The following URB1 variants were observed in gnomAD, a reference collection of about 807,000 sequenced individuals.
URB1 encodes the protein nucleolar pre-ribosomal-associated protein 1.
URB1 carries 197 observed loss-of-function variants against 242.3 expected under a neutral mutation model. The ratio of observed to expected loss-of-function variants is 0.81; its 90% CI spans 0.72 to 0.91. The LOEUF is 0.91. Ranked by LOEUF, URB1 falls within the 40% of genes least tolerant of loss-of-function variation. The pLI is 0.00. For synonymous variants in URB1, 1,153 were observed against 1,201.8 expected, an observed-to-expected ratio of 0.96 and a Z score of 0.84; for missense variants, 2,721 against 2,860.5, an observed-to-expected ratio of 0.95 and a Z score of 1.11.
intron 37 of URB1, 91 bp downstream of exon 37, chr21:32,317,585 T>C (rs752808274): frequency 4.0e-6 from 6 of 1,484,562 alleles, no homozygotes; most frequent in Non-Finnish European, 4.5e-6. Context: ...GCTTTGGAAA[T>C]GTGGCTGAGA....
chr21:32,353,357 T>C (rs2033180805), intron 18 of URB1, among the ~76,000 whole-genome samples: 1 of 152,274 alleles, frequency 6.6e-6, no homozygotes, highest in Admixed American at 6.5e-5. Context: ...TAAATTGAGA[T>C]GGCATAGCTA....
At chr21:32,357,077 G>C (rs2033229025) in intron 15 of URB1, among the ~76,000 whole-genome samples, 1 of 152,204 alleles carries the variant, frequency 6.6e-6, no homozygotes, top group Admixed American at 6.5e-5. Flanking sequence ...GCTATCATAA[G>C]ACCTGACATA....
At chr21:32,326,999 T>G (rs1275361825) in intron 30 of URB1, among the ~76,000 whole-genome samples, 1 of 151,594 alleles carries the variant, frequency 6.6e-6, no homozygotes, top group Non-Finnish European at 1.5e-5. Flanking sequence ...GTCCTGTGGG[T>G]ATGTGTAATA....
intron 2 of URB1, 122 bp downstream of exon 2, chr21:32,385,423 G>A: frequency 7.2e-7 from 1 of 1,385,986 alleles, no homozygotes; most frequent in Non-Finnish European, 9.6e-7. Flanking sequence ...ACAGCACAGG[G>A]ACAAAGCATC....
chr21:32,356,435 T>C (rs2033221595), intron 15 of URB1, among the ~76,000 whole-genome samples: 1 of 152,284 alleles, frequency 6.6e-6, no homozygotes, highest in Admixed American at 6.5e-5. Context: ...TCAAGGCTAC[T>C]CATCGTTTAT....
intron 20 of URB1, 132 bp from the exon 21 acceptor site, chr21:32,349,615 T>C: frequency 1.2e-6 from 1 of 828,434 alleles, no homozygotes; most frequent in Non-Finnish European, 1.8e-6. Context: ...CCTCACAGAG[T>C]GTGTGAGACA....
intron 5 of URB1, among the ~76,000 whole-genome samples, chr21:32,377,778 C>T (rs762876811): frequency 6.6e-6 from 1 of 152,164 alleles, no homozygotes; most frequent in Non-Finnish European, 1.5e-5. Context: ...CCCTGCTACT[C>T]CTCCTCAATA....
rs376481798 is a variant in URB1 at position 32,354,046 on chromosome 21, A to G, written c.2303T>C (p.Ile768Thr). The change falls in exon 18 of 39, where the codon ATA becomes ACA. Residue 768 changes from isoleucine to threonine, a missense_variant. Physicochemically the swap from Ile to Thr is moderately conservative, Grantham distance 89. Transcript: ENST00000382751. ...VEGSEGLDEE[I>T]GFTLSEDMIL... ...CATGTCTTCACTCAACGTGAACCCT[A>G]TTTCCTCATCCAAGCCTTCACTGCC... The G allele has an allele frequency of 5.8e-6, 9 of 1,551,472 alleles. No homozygotes were observed. The Admixed American group carries it at 1.8e-4, about 30-fold the overall frequency.
intron 30 of URB1, among the ~76,000 whole-genome samples, chr21:32,332,312 G>A (rs955872689): frequency 1.3e-5 from 2 of 151,536 alleles, no homozygotes; most frequent in Non-Finnish European, 2.9e-5. Flanking sequence ...CTGACCAAAT[G>A]GGCTTCATCA....
At position 32,337,089 on chromosome 21, in the gene URB1, C is replaced by A; in HGVS notation, c.4685+5G>T. ...GGCCTAGTCTACCTCTAGCCCAACA[C>A]TCACCTGAAGTTGATGAGGCTGAGC... On this transcript the variant is annotated splice_donor_5th_base_variant and intron_variant, in intron 28 of 38. Transcript: ENST00000382751. 1.3e-6 allele frequency: 2 copies of A among 1,551,830 alleles called. No homozygotes were observed. The highest frequency in any genetic ancestry group is 1.7e-6 in the Non-Finnish European group (2 of 1,146,994).
intron 32 of URB1, among the ~76,000 whole-genome samples, chr21:32,322,793 T>C (rs1462236206): frequency 6.6e-6 from 1 of 152,234 alleles, no homozygotes. Flanking sequence ...CTCCTAGCTC[T>C]GAAACCACTG....
intron 19 of URB1, among the ~76,000 whole-genome samples, chr21:32,351,245 A>G (rs936111135): frequency 1.3e-5 from 2 of 152,196 alleles, no homozygotes; most frequent in African/African-American, 4.8e-5. Context: ...GTGAATCACA[A>G]GAATCACTAG....
At chr21:32,369,947 T>C in intron 8 of URB1, among the ~76,000 whole-genome samples, 1 of 126,410 alleles carries the variant, frequency 7.9e-6, no homozygotes. Flanking sequence ...CTGCCTTCCA[T>C]CCTGAACAAC....
intron 4 of URB1, among the ~76,000 whole-genome samples, chr21:32,381,551 A>T (rs1473017232): frequency 6.6e-6 from 1 of 152,164 alleles, no homozygotes; most frequent in African/African-American, 2.4e-5. Context: ...TTTAAGAAAC[A>T]TATCAACCAA....
At position 32,335,002 on chromosome 21, in the gene URB1, C is replaced by T. The variant is rs75721291; in HGVS notation, c.4686-668G>A. Among the ~76,000 whole-genome samples the T allele has an allele frequency of 9.6e-3, 1,464 of 152,300 alleles. 34 individuals are homozygous for T. The highest frequency in any genetic ancestry group is 0.034 in the African/African-American group (1,396 of 41,562). Reference sequence around the variant, plus strand: ...CCCCCAACTCTCCTCCTCCCTCCCCCATCCACTGCCCTGCTGCTGCCCCGC... The same window carrying T: ...CCCCCAACTCTCCTCCTCCCTCCCCTATCCACTGCCCTGCTGCTGCCCCGC... On this transcript the variant is annotated intron_variant, in intron 28 of 38. Coordinates refer to ENST00000382751, the MANE Select transcript of URB1 (RefSeq NM_014825.3).
At chr21:32,331,758 G>C (rs2032895242) in intron 30 of URB1, among the ~76,000 whole-genome samples, 1 of 152,224 alleles carries the variant, frequency 6.6e-6, no homozygotes, top group African/African-American at 2.4e-5. Context: ...CCCACTCCCA[G>C]CCACACCAGC....
chr21:32,376,792 C>T (rs1402658474), intron 5 of URB1, among the ~76,000 whole-genome samples: 2 of 149,454 alleles, frequency 1.3e-5, no homozygotes, highest in East Asian at 3.9e-4. Flanking sequence ...TACACGCCAA[C>T]ACACCCAGCT....
At position 32,317,924 on chromosome 21, in the gene URB1, G is replaced by A; in HGVS notation, c.5793-7C>T. On this transcript the variant is annotated splice_region_variant and splice_polypyrimidine_tract_variant and intron_variant, in intron 36 of 38. Transcript: ENST00000382751. ...GACGGGGGCCAAGGTGGGCCTGTTTGGGAGTCAATGTTACAGACTGAGCAA... is the reference window on the plus strand; with the variant it reads ...GACGGGGGCCAAGGTGGGCCTGTTTAGGAGTCAATGTTACAGACTGAGCAA... 1 of 1,551,446 alleles carries A rather than the reference G, an allele frequency of 6.4e-7. No individual in the cohort carries two copies. Among genetic ancestry groups the A allele is most frequent in the Non-Finnish European group, 8.7e-7 (1 of 1,146,928 alleles).
At chr21:32,359,579 A>C (rs1373100303) in intron 14 of URB1, among the ~76,000 whole-genome samples, 1 of 152,250 alleles carries the variant, frequency 6.6e-6, no homozygotes, top group Non-Finnish European at 1.5e-5. Context: ...TGCAGCAAGG[A>C]CATGTTAAGC....
Sources: allele counts gnomAD v4.1 joint callset (sites outside exome capture counted in the v4.1 genomes callset), GRCh38; gene constraint gnomAD v4.1.1; transcripts MANE v1.5; gene names NCBI Gene and HGNC (gene_info 2026-07-23, HGNC 2026-07-21).